The following HELLS variants were observed in gnomAD, a reference collection of about 807,000 sequenced individuals.
HELLS encodes the protein lymphoid-specific helicase.
In HELLS, 32 loss-of-function variants were observed where a neutral mutation model predicts 120.0. The observed-to-expected ratio is 0.27, with a 90% confidence interval of 0.20 to 0.36. The LOEUF is 0.36. HELLS is among the 10% of genes least tolerant of loss of function. The probability of loss-of-function intolerance (pLI) is 1.00; values close to 1 mark genes in which losing one functional copy is unlikely to be tolerated. For synonymous variants in HELLS, 341 were observed against 323.4 expected (o/e 1.05, Z -0.58); for missense variants, 650 against 993.4 (o/e 0.65, Z 4.65).
intron 19 of HELLS, among the ~76,000 whole-genome samples, chr10:94,595,490 TA>T (rs539291550): frequency 2.6e-5 from 4 of 152,218 alleles, no homozygotes; most frequent in Non-Finnish European, 4.4e-5. Flanking sequence ...TTAAGTGTTA[TA>T]AAAAATCTAT....
At chr10:94,566,133 C>T (rs375570262) in intron 6 of HELLS, among the ~76,000 whole-genome samples, 40 of 152,118 alleles carry the variant, frequency 2.6e-4, no homozygotes, top group African/African-American at 9.2e-4. Context: ...GCTCCTGCCT[C>T]GGCCTCCCAG....
chr10:94,562,884 T>G lies in HELLS; in HGVS notation c.435+8T>G. The G allele has an allele frequency of 6.5e-7, 1 of 1,528,538 alleles. No individual in the cohort carries two copies. Among genetic ancestry groups the G allele is most frequent in the Non-Finnish European group, 9.0e-7 (1 of 1,113,962 alleles). 94.7% of individuals were successfully genotyped at this position (1,528,538 alleles called of 1,614,324 possible). ...GAGGTCATGTCAAAAGAGGTAAAAA[T>G]AAAAGGGAGAGGGCACCTAACATTT... is the stretch of plus-strand genomic sequence containing the variant. On this transcript the variant is annotated splice_region_variant and intron_variant, in intron 6 of 21. Coordinates refer to ENST00000348459, the MANE Select transcript of HELLS (RefSeq NM_018063.5).
At chr10:94,568,916 A>T (rs541152375) in intron 6 of HELLS, among the ~76,000 whole-genome samples, 1 of 151,316 alleles carries the variant, frequency 6.6e-6, no homozygotes, top group South Asian at 2.1e-4. Context: ...ATCTTGGCTC[A>T]CAGCAACATC....
chr10:94,575,761 GGGGTTGT>G (rs1844418737), intron 9 of HELLS, among the ~76,000 whole-genome samples: 1 of 128,400 alleles, frequency 7.8e-6, no homozygotes. Flanking sequence ...TGTTGGGGGG[GGGGTTGT>G]GTTTGTGTGT....
chr10:94,592,197 C>G (rs1845521196), intron 15 of HELLS, 32 bp from the exon 16 acceptor site: 1 of 1,474,046 alleles, frequency 6.8e-7, no homozygotes, highest in Non-Finnish European at 9.3e-7. Flanking sequence ...ACAGTTTTCT[C>G]TCTATTTTTT....
chr10:94,553,390 A>G (rs1190337246), intron 2 of HELLS, among the ~76,000 whole-genome samples: 4 of 151,924 alleles, frequency 2.6e-5, no homozygotes, highest in African/African-American at 7.3e-5. Context: ...CTGGGACTAC[A>G]GGCATGCGCC....
At chr10:94,600,543 A>G (rs1217880566) in intron 21 of HELLS, among the ~76,000 whole-genome samples, 1 of 152,196 alleles carries the variant, frequency 6.6e-6, no homozygotes, top group Non-Finnish European at 1.5e-5. Context: ...AAAAGCTAAT[A>G]AATGTGAAAT....
rs1345027562 is a variant in HELLS at position 94,585,397 on chromosome 10, G to GT, written c.1326+2345dup. Among the ~76,000 whole-genome samples, 66 of 75,268 alleles carry GT rather than the reference G, an allele frequency of 8.8e-4. 1 individual carries two copies. The highest frequency in any genetic ancestry group is 5.9e-3 in the South Asian group (15 of 2,540). 49.4% of individuals were successfully genotyped at this position (75,268 alleles called of 152,430 possible). A position where few individuals can be genotyped will look rare whatever the true frequency, so the allele number is the denominator to read the frequency against. On this transcript the variant is annotated intron_variant, in intron 12 of 21. Transcript: ENST00000348459. ...TTTGTTTGTTTTTGTTTTTTTTTTT[G>GT]TTTTTTTGGTTTTTTTTTTTTGAGA...
At chr10:94,608,232 A>G (rs1031743228) in intron 9 of HELLS, among the ~76,000 whole-genome samples, 2 of 152,200 alleles carry the variant, frequency 1.3e-5, no homozygotes, top group Non-Finnish European at 2.9e-5. Flanking sequence ...TTCCAGTTTG[A>G]GGATAAATGA....
intron 9 of HELLS, among the ~76,000 whole-genome samples, chr10:94,574,998 G>T (rs747466215): frequency 5.9e-5 from 9 of 151,902 alleles, no homozygotes; most frequent in Non-Finnish European, 1.0e-4. Context: ...ACAGACTTAG[G>T]TAGAGATTTT....
At chr10:94,568,944 C>T (rs1403881909) in intron 6 of HELLS, among the ~76,000 whole-genome samples, 2 of 150,848 alleles carry the variant, frequency 1.3e-5, no homozygotes, top group Non-Finnish European at 3.0e-5. Flanking sequence ...CAGGTTCAAG[C>T]GATTCTCCTG....
chr10:94,549,505 G>A (rs543061818), intron 2 of HELLS, among the ~76,000 whole-genome samples: 1 of 152,334 alleles, frequency 6.6e-6, no homozygotes, highest in African/African-American at 2.4e-5. Flanking sequence ...TGCCTGTGAA[G>A]TGGAGGAGGG....
intron 2 of HELLS, among the ~76,000 whole-genome samples, chr10:94,552,970 G>A (rs551363240): frequency 1.3e-5 from 2 of 152,192 alleles, no homozygotes; most frequent in South Asian, 2.1e-4. Context: ...CTTAAAAAAC[G>A]GGGTGGGGGT....
intron 7 of HELLS, 143 bp from the exon 8 acceptor site, chr10:94,573,817 T>TGA: frequency 1.9e-6 from 1 of 537,638 alleles, no homozygotes. Flanking sequence ...ATGTCTCCAG[T>TGA]TTTTTAATCC....
At chr10:94,563,448 T>C (rs1843648795) in intron 6 of HELLS, among the ~76,000 whole-genome samples, 1 of 152,106 alleles carries the variant, frequency 6.6e-6, no homozygotes, top group South Asian at 2.1e-4. Flanking sequence ...TTTTCTTTTC[T>C]TTCTTTCGTT....
rs145442143 is a variant in HELLS, at chr10:94,591,646, G to A, written c.1768-583G>A. 5.1e-3 allele frequency among the ~76,000 whole-genome samples: 770 copies of A among 152,202 alleles called. 8 individuals carry two copies. The highest frequency in any genetic ancestry group is 0.02 in the Middle Eastern group (6 of 294). On this transcript the variant is annotated intron_variant, in intron 15 of 21. Transcript: ENST00000348459. ...TATGACAACTAAAAAGTTTGCTGCC[G>A]CTGCCAAATATACCCTGGGGATAGG...
chr10:94,577,944 T>C (rs1346857532), intron 10 of HELLS, among the ~76,000 whole-genome samples: 10 of 151,986 alleles, frequency 6.6e-5, no homozygotes, highest in African/African-American at 2.4e-4. Context: ...GCGCCTGTAG[T>C]CCCAGCTACT....
At chr10:94,579,208 T>TC in intron 10 of HELLS, among the ~76,000 whole-genome samples, 1 of 150,512 alleles carries the variant, frequency 6.6e-6, no homozygotes, top group East Asian at 1.9e-4. Flanking sequence ...TTTCTTTTTT[T>TC]TTTTTTTTTT....
chr10:94,607,852 T>C (rs1846144490), intron 8 of HELLS: 2 of 344,340 alleles, frequency 5.8e-6, no homozygotes, highest in Non-Finnish European at 1.2e-5. Context: ...ATCAGCCTCC[T>C]GGGTAGTTGG....
Sources: allele counts gnomAD v4.1 joint callset (sites outside exome capture counted in the v4.1 genomes callset), GRCh38; gene constraint gnomAD v4.1.1; transcripts MANE v1.5; gene names NCBI Gene and HGNC (gene_info 2026-07-23, HGNC 2026-07-21).